The following TMEM232 variants were observed in gnomAD, a reference collection of about 807,000 sequenced individuals.
The protein encoded by TMEM232 is transmembrane protein 232.
TMEM232 carries 80 observed loss-of-function variants against 78.8 expected under a neutral mutation model. The observed-to-expected ratio is 1.01, with a 90% CI of 0.85 to 1.22. The LOEUF (loss-of-function observed/expected upper bound fraction) is 1.22. TMEM232 is among the 50% of genes most tolerant of loss of function. TMEM232 has a pLI of 0.00. For synonymous variants in TMEM232, 297 were observed against 254.3 expected, an observed-to-expected ratio of 1.17 and a Z score of -1.60; for missense variants, 881 against 742.2, an observed-to-expected ratio of 1.19 and a Z score of -2.17.
In TMEM232 at chr5:110,624,959, AAG is replaced by A. The variant is rs1784228563; in HGVS notation, c.768+306_768+307del. Among the ~76,000 whole-genome samples, 4 of 152,240 alleles carry A rather than the reference AAG, an allele frequency of 2.6e-5. No homozygotes were observed. The South Asian group carries it at 8.3e-4, about 32-fold the overall frequency. ...ATAAATAAGTTTAACAAAAAAATAA[AAG>A]AAGTTTTTGAAATGCTTACTGGTCT... On this transcript the variant is annotated intron_variant, in intron 7 of 13. Coordinates refer to ENST00000455884, the MANE Select transcript of TMEM232 (RefSeq NM_001039763.4).
At chr5:110,498,974 T>C (rs545862744) in intron 12 of TMEM232, among the ~76,000 whole-genome samples, 6 of 152,290 alleles carry the variant, frequency 3.9e-5, no homozygotes, top group African/African-American at 1.4e-4. Context: ...TTCTTACATA[T>C]GATATGATAC....
intron 2 of TMEM232, among the ~76,000 whole-genome samples, chr5:110,664,514 C>A (rs998406402): frequency 2.0e-5 from 3 of 152,210 alleles, no homozygotes; most frequent in Non-Finnish European, 4.4e-5. Flanking sequence ...GAAACTGTAT[C>A]TCTTGAAGTA....
intron 1 of TMEM232, among the ~76,000 whole-genome samples, chr5:110,699,586 T>C (rs1308881992): frequency 2.0e-5 from 3 of 151,978 alleles, no homozygotes; most frequent in Admixed American, 6.6e-5. Context: ...TTTAGAAACT[T>C]TACAAAGGGG....
chr5:110,426,759 A>G (rs954082584), intron 12 of TMEM232, among the ~76,000 whole-genome samples: 2 of 152,020 alleles, frequency 1.3e-5, no homozygotes, highest in Non-Finnish European at 2.9e-5. Flanking sequence ...TGATCCTAGA[A>G]AGCTGGGGAC....
chr5:110,658,211 G>A (rs6594468), intron 2 of TMEM232, among the ~76,000 whole-genome samples: 3,385 of 152,172 alleles, frequency 0.022, 119 homozygotes, highest in African/African-American at 0.076. Flanking sequence ...AATATCCTCT[G>A]TCATCCTGAT....
At chr5:110,531,280 T>C (rs781190504) in intron 11 of TMEM232, among the ~76,000 whole-genome samples, 4 of 152,156 alleles carry the variant, frequency 2.6e-5, no homozygotes, top group Non-Finnish European at 4.4e-5. Flanking sequence ...ATTAAAAGCT[T>C]TATTGCTCAC....
At chr5:110,584,503 A>G (rs891163021) in intron 10 of TMEM232, among the ~76,000 whole-genome samples, 1 of 152,094 alleles carries the variant, frequency 6.6e-6, no homozygotes, top group Non-Finnish European at 1.5e-5. Context: ...GGTGGAGGCA[A>G]TAAGAGAATT....
chr5:110,579,562 A>G lies in TMEM232; in HGVS notation c.1277-10937T>C, dbSNP rs578158080. Among the ~76,000 whole-genome samples the G allele has an allele frequency of 4.6e-5, 7 of 151,938 alleles. No individual in the cohort carries two copies. The East Asian group carries it at 1.2e-3, about 25-fold the overall frequency. On this transcript the variant is annotated intron_variant, in intron 10 of 13. Transcript: ENST00000455884. ...ATCATAAGCATAAAATGTTTATTAG[A>G]GCTTTGAGAAGTGTAGAGTTTTGTA...
intron 7 of TMEM232, among the ~76,000 whole-genome samples, chr5:110,621,554 T>C (rs1315004367): frequency 6.6e-6 from 1 of 152,210 alleles, no homozygotes; most frequent in African/African-American, 2.4e-5. Flanking sequence ...TATTATATTT[T>C]ACAAAATTAT....
chr5:110,535,903 A>G (rs535733260), intron 11 of TMEM232, among the ~76,000 whole-genome samples: 2 of 152,202 alleles, frequency 1.3e-5, no homozygotes, highest in East Asian at 3.9e-4. Flanking sequence ...AACTTTCCAC[A>G]CCCAAATTAT....
intron 1 of TMEM232, among the ~76,000 whole-genome samples, chr5:110,720,246 TA>T (rs1372073950): frequency 6.6e-6 from 1 of 152,094 alleles, no homozygotes; most frequent in Non-Finnish European, 1.5e-5. Context: ...CTCTCCCCTA[TA>T]ATAAGTTGCA....
intron 1 of TMEM232, among the ~76,000 whole-genome samples, chr5:110,697,587 C>G (rs1794947037): frequency 6.6e-6 from 1 of 151,962 alleles, no homozygotes; most frequent in East Asian, 1.9e-4. Flanking sequence ...ACAATGAACT[C>G]AAACAAATTT....
intron 1 of TMEM232, among the ~76,000 whole-genome samples, chr5:110,717,592 T>C (rs912774088): frequency 2.6e-5 from 4 of 152,162 alleles, no homozygotes; most frequent in African/African-American, 9.7e-5. Context: ...ACAGGTCTGA[T>C]ATGATTTGGC....
chr5:110,567,110 A>G (rs1776433969), intron 11 of TMEM232, among the ~76,000 whole-genome samples: 1 of 151,836 alleles, frequency 6.6e-6, no homozygotes, highest in Non-Finnish European at 1.5e-5. Flanking sequence ...TGATTCAATT[A>G]ACTCCCACCA....
At chr5:110,427,646 C>T (rs1757389051) in intron 12 of TMEM232, among the ~76,000 whole-genome samples, 1 of 151,868 alleles carries the variant, frequency 6.6e-6, no homozygotes, top group Non-Finnish European at 1.5e-5. Context: ...AAAGTGTTAG[C>T]AGTCTTGGAT....
chr5:110,498,084 G>C (rs1452449207), intron 12 of TMEM232, among the ~76,000 whole-genome samples: 2 of 152,066 alleles, frequency 1.3e-5, no homozygotes, highest in Non-Finnish European at 2.9e-5. Flanking sequence ...CTAAGTTAAA[G>C]ACTCTTCAAA....
At chr5:110,514,578 GAAGTT>G (rs1352748556) in intron 12 of TMEM232, among the ~76,000 whole-genome samples, 1 of 151,910 alleles carries the variant, frequency 6.6e-6, no homozygotes, top group African/African-American at 2.4e-5. Flanking sequence ...AAGGCTCAGA[GAAGTT>G]AAGTAACTTA....
intron 2 of TMEM232, among the ~76,000 whole-genome samples, chr5:110,660,394 G>T (rs1038363431): frequency 6.6e-6 from 1 of 151,868 alleles, no homozygotes; most frequent in Non-Finnish European, 1.5e-5. Flanking sequence ...ACAAAACCTG[G>T]TATTTTTGTC....
At chr5:110,601,346 T>C (rs906254816) in intron 10 of TMEM232, among the ~76,000 whole-genome samples, 8 of 152,112 alleles carry the variant, frequency 5.3e-5, no homozygotes, top group African/African-American at 1.7e-4. Context: ...CAAATAGGAA[T>C]AGAGGAAGTC....
Sources: allele counts gnomAD v4.1 joint callset (sites outside exome capture counted in the v4.1 genomes callset), GRCh38; gene constraint gnomAD v4.1.1; transcripts MANE v1.5; gene names NCBI Gene and HGNC (gene_info 2026-07-23, HGNC 2026-07-21).